ROBO1: variants seen among roughly 807,000 people sequenced by gnomAD.
ROBO1 encodes the protein roundabout homolog 1.
A neutral mutation model predicts 195.9 loss-of-function variants in ROBO1; 149 were observed. The ratio of observed to expected loss-of-function variants is 0.76; its 90% CI spans 0.67 to 0.87. The LOEUF (loss-of-function observed/expected upper bound fraction) is 0.87, where lower values mean the gene tolerates loss of function less well. Among genes scored for constraint, ROBO1 ranks in the 40% least tolerant of loss-of-function variants. ROBO1 has a pLI of 0.00. For missense variants in ROBO1, 1,933 were observed against 2,068.3 expected (o/e 0.93, Z 1.27); for synonymous variants, 816 against 733.2 (o/e 1.11, Z -1.82).
chr3:78,850,964 G>T (rs1312979862), intron 4 of ROBO1, among the ~76,000 whole-genome samples: 1 of 151,892 alleles, frequency 6.6e-6, no homozygotes, highest in East Asian at 1.9e-4. Context: ...CTGCCACCAA[G>T]CCTGGCTATT....
chr3:79,610,580 T>C lies in ROBO1; in HGVS notation c.-50-20619A>G, dbSNP rs151134100. 1.0e-3 allele frequency among the ~76,000 whole-genome samples: 152 copies of C among 152,138 alleles called. 1 individual carries two copies. Among genetic ancestry groups the C allele is most frequent in the Admixed American group, 1.8e-3 (27 of 15,234 alleles). ...ATTCAAATACTGATACAAGTTTACA[T>C]TGAAGCTTCATAAGACTTTGTGAAG... On this transcript the variant is annotated intron_variant, in intron 1 of 30. Coordinates refer to ENST00000464233, the MANE Select transcript of ROBO1 (RefSeq NM_002941.4).
At chr3:79,535,896 G>C (rs1305428022) in intron 2 of ROBO1, among the ~76,000 whole-genome samples, 1 of 151,388 alleles carries the variant, frequency 6.6e-6, no homozygotes, top group African/African-American at 2.4e-5. Context: ...TTTTTTGTTT[G>C]TTTGTTTTTG....
intron 4 of ROBO1, among the ~76,000 whole-genome samples, chr3:78,832,660 G>A (rs530877609): frequency 2.0e-5 from 3 of 152,176 alleles, no homozygotes; most frequent in African/African-American, 7.2e-5. Context: ...TTAATATCAG[G>A]AGTGTTGCTT....
In ROBO1 at chr3:78,747,357, A is replaced by G. The variant is rs544656230; in HGVS notation, c.500-457T>C. Among the ~76,000 whole-genome samples the G allele has an allele frequency of 1.1e-4, 17 of 152,328 alleles. No homozygotes were observed. In the East Asian group the frequency reaches 3.3e-3, roughly 29 times the overall value. Reference sequence around the variant, plus strand: ...AGAAAAAAATAAGATACTTCTAAGCATGAATTTAATTGAGCAATATTTTAT... The same window carrying G: ...AGAAAAAAATAAGATACTTCTAAGCGTGAATTTAATTGAGCAATATTTTAT... On this transcript the variant is annotated intron_variant, in intron 4 of 30. Coordinates refer to ENST00000464233, the MANE Select transcript of ROBO1 (RefSeq NM_002941.4).
At chr3:79,389,730 A>G (rs771576214) in intron 2 of ROBO1, among the ~76,000 whole-genome samples, 1 of 152,074 alleles carries the variant, frequency 6.6e-6, no homozygotes, top group African/African-American at 2.4e-5. Flanking sequence ...TATAGGAACA[A>G]ACTTGTCACA....
chr3:79,672,183 G>A (rs1372710392), intron 1 of ROBO1, among the ~76,000 whole-genome samples: 3 of 151,918 alleles, frequency 2.0e-5, no homozygotes, highest in African/African-American at 7.2e-5. Flanking sequence ...CCACAATAAT[G>A]CACAGCATGC....
At chr3:79,440,785 T>C (rs376902959) in intron 2 of ROBO1, among the ~76,000 whole-genome samples, 1 of 152,024 alleles carries the variant, frequency 6.6e-6, no homozygotes. Flanking sequence ...TAGACACTGT[T>C]TGAGGAAGAA....
chr3:79,514,201 C>T (rs1940845798), intron 2 of ROBO1, among the ~76,000 whole-genome samples: 1 of 152,148 alleles, frequency 6.6e-6, no homozygotes, highest in South Asian at 2.1e-4. Context: ...ACAGAGAAAA[C>T]TCAACTATTT....
chr3:79,307,092 C>T (rs2033257458), intron 2 of ROBO1, among the ~76,000 whole-genome samples: 1 of 152,000 alleles, frequency 6.6e-6, no homozygotes, highest in Non-Finnish European at 1.5e-5. Flanking sequence ...CGGGGAAGCT[C>T]AGAATTCAAG....
chr3:79,554,635 A>T (rs1431530146), intron 2 of ROBO1, among the ~76,000 whole-genome samples: 1 of 152,120 alleles, frequency 6.6e-6, no homozygotes, highest in Non-Finnish European at 1.5e-5. Context: ...TATGTTGAAC[A>T]AACTCCTGAA....
chr3:78,772,911 G>C (rs1050816450), intron 4 of ROBO1, among the ~76,000 whole-genome samples: 1 of 152,046 alleles, frequency 6.6e-6, no homozygotes, highest in Non-Finnish European at 1.5e-5. Context: ...AGGTTTGTCT[G>C]ATGTCAAAAT....
At chr3:79,261,824 A>T (rs2082942976) in intron 2 of ROBO1, among the ~76,000 whole-genome samples, 1 of 152,096 alleles carries the variant, frequency 6.6e-6, no homozygotes, top group Non-Finnish European at 1.5e-5. Context: ...GTTACTGGAT[A>T]AAGAAATATA....
At chr3:79,748,630 T>C (rs1012120634) in intron 1 of ROBO1, among the ~76,000 whole-genome samples, 2 of 152,154 alleles carry the variant, frequency 1.3e-5, no homozygotes, top group Non-Finnish European at 2.9e-5. Flanking sequence ...ACAATTCCCA[T>C]GTGTTGTGAG....
In ROBO1 at chr3:79,252,141, G is replaced by A. The variant is rs568043058; in HGVS notation, c.89-126602C>T. Among the ~76,000 whole-genome samples, 2 of 152,024 alleles carry A rather than the reference G, an allele frequency of 1.3e-5. 1 individual carries two copies. Among genetic ancestry groups the A allele is most frequent in the South Asian group, 4.2e-4 (2 of 4,800 alleles). ...AGATTTTGTAGCTCTTGCTTAACAC[G>A]TATTTTATTATTTCTGGTCATATAT... On this transcript the variant is annotated intron_variant, in intron 2 of 30. Transcript: ENST00000464233.
chr3:79,584,433 A>C (rs1943756995), intron 2 of ROBO1, among the ~76,000 whole-genome samples: 1 of 151,416 alleles, frequency 6.6e-6, no homozygotes, highest in South Asian at 2.1e-4. Context: ...CAAAATAACA[A>C]ACCAAGGAAG....
intron 12 of ROBO1, 87 bp from the exon 13 acceptor site, chr3:78,668,389 A>C: frequency 6.3e-7 from 1 of 1,585,762 alleles, no homozygotes; most frequent in Non-Finnish European, 8.7e-7. Flanking sequence ...TCATACACCT[A>C]CTCAGGGAAG....
intron 2 of ROBO1, among the ~76,000 whole-genome samples, chr3:79,450,665 C>G (rs530448282): frequency 6.6e-6 from 1 of 151,952 alleles, no homozygotes; most frequent in Non-Finnish European, 1.5e-5. Context: ...TTCTTAATCT[C>G]CTTTCTATAG....
chr3:79,223,374 C>T (rs1453353574), intron 2 of ROBO1, among the ~76,000 whole-genome samples: 3 of 152,158 alleles, frequency 2.0e-5, no homozygotes, highest in Non-Finnish European at 2.9e-5. Flanking sequence ...ACCCTGCAGA[C>T]ATTGTTGATG....
chr3:78,996,624 C>T (rs1000926328), intron 3 of ROBO1, among the ~76,000 whole-genome samples: 1 of 152,022 alleles, frequency 6.6e-6, no homozygotes, highest in Non-Finnish European at 1.5e-5. Flanking sequence ...TGATAAAACC[C>T]ATTTTCAATA....
Sources: gnomAD v4.1 joint callset for allele counts (sites outside exome capture counted in the v4.1 genomes callset) on GRCh38, gnomAD v4.1.1 for gene constraint, MANE v1.5 for transcripts, NCBI Gene and HGNC (gene_info 2026-07-23, HGNC 2026-07-21) for gene names.